The following DAB1 variants were observed in gnomAD, a reference collection of about 807,000 sequenced individuals.
DAB1 encodes DAB adaptor protein 1, also known as disabled homolog 1.
DAB1 carries 15 observed loss-of-function variants against 64.6 expected under a neutral mutation model. The ratio of observed to expected loss-of-function variants is 0.23; its 90% CI spans 0.16 to 0.36. The LOEUF (loss-of-function observed/expected upper bound fraction) is 0.36, where lower values mean the gene tolerates loss of function less well. Ranked by LOEUF, DAB1 falls within the 10% of genes least tolerant of loss-of-function variation. DAB1 has a pLI of 1.00. For synonymous variants in DAB1, 235 were observed against 251.9 expected (o/e 0.93, Z 0.64); for missense variants, 596 against 706.7 (o/e 0.84, Z 1.78).
intron 4 of DAB1, among the ~76,000 whole-genome samples, chr1:57,102,672 T>G (rs1307366627): frequency 6.6e-6 from 1 of 152,212 alleles, no homozygotes; most frequent in Non-Finnish European, 1.5e-5. Flanking sequence ...TTTTCTTGCT[T>G]CCAGTGGAGG....
chr1:58,000,189 T>C (rs186695349), intron 5 of DAB1, among the ~76,000 whole-genome samples: 66 of 152,250 alleles, frequency 4.3e-4, no homozygotes, highest in African/African-American at 1.6e-3. Flanking sequence ...GGGAGCTACA[T>C]AGAATGGAAA....
At chr1:57,155,109 A>T (rs1304050170) in intron 2 of DAB1, among the ~76,000 whole-genome samples, 1 of 152,202 alleles carries the variant, frequency 6.6e-6, no homozygotes, top group Non-Finnish European at 1.5e-5. Flanking sequence ...GCCCAGACCC[A>T]TGTCCTGCAG....
At chr1:57,801,367 T>C (rs1047038833) in intron 6 of DAB1, among the ~76,000 whole-genome samples, 1 of 152,198 alleles carries the variant, frequency 6.6e-6, no homozygotes, top group Non-Finnish European at 1.5e-5. Flanking sequence ...CAGGTTCAAT[T>C]GGCGAGAGGC....
chr1:58,495,962 T>C (rs1645794179), intron 3 of DAB1, among the ~76,000 whole-genome samples: 1 of 152,202 alleles, frequency 6.6e-6, no homozygotes, highest in African/African-American at 2.4e-5. Flanking sequence ...TAAGTTTAAA[T>C]ATCTAAGCTT....
chr1:57,577,707 C>A (rs747084466), intron 7 of DAB1, among the ~76,000 whole-genome samples: 66 of 152,282 alleles, frequency 4.3e-4, no homozygotes, highest in Non-Finnish European at 6.5e-4. Flanking sequence ...AATGCAGATT[C>A]CTGAGCTCCA....
chr1:57,207,446 C>CTTTTTTTTTTTTTTTTTTTTTTTT lies in DAB1; in HGVS notation c.68-62018_68-62017insAAAAAAAAAAAAAAAAAAAAAAAA. On this transcript the variant is annotated intron_variant, in intron 2 of 14. Transcript: ENST00000371236. ...CTGTAATTCATACCTTATTTCCTTT[C>CTTTTTTTTTTTTTTTTTTTTTTTT]TTTTTTTTTTTTTTTGAGATGGAGT... Among the ~76,000 whole-genome samples, 101 of 98,436 alleles carry CTTTTTTTTTTTTTTTTTTTTTTTT rather than the reference C, an allele frequency of 1.0e-3. 16 individuals carry two copies. Among genetic ancestry groups the CTTTTTTTTTTTTTTTTTTTTTTTT allele is most frequent in the Non-Finnish European group, 1.5e-3 (71 of 46,416 alleles). 64.6% of individuals were successfully genotyped at this position (98,436 alleles called of 152,430 possible).
rs1050142228 is a variant in DAB1 at position 58,447,868 on chromosome 1, A to C, written n.257+58192T>G. On this transcript the variant is annotated intron_variant and non_coding_transcript_variant, in intron 3 of 20. Coordinates refer to the DAB1 transcript ENST00000485760. ...AAAAATGACTTAAACAAAAAAAAAAAAAAAGTCTTATGCAATAAGAAGACT... is the reference window on the plus strand; with the variant it reads ...AAAAATGACTTAAACAAAAAAAAAACAAAAGTCTTATGCAATAAGAAGACT... 1.2e-4 allele frequency among the ~76,000 whole-genome samples: 18 copies of C among 152,138 alleles called. No individual in the cohort carries two copies. In the East Asian group the frequency reaches 1.5e-3, roughly 13 times the overall value.
At chr1:57,897,593 A>T (rs1644410229) in intron 5 of DAB1, among the ~76,000 whole-genome samples, 1 of 152,080 alleles carries the variant, frequency 6.6e-6, no homozygotes, top group Non-Finnish European at 1.5e-5. Flanking sequence ...CCTTTTCCCT[A>T]ATATTACAGC....
chr1:57,427,492 G>A (rs1038043415), upstream of DAB1, among the ~76,000 whole-genome samples: 14 of 152,154 alleles, frequency 9.2e-5, no homozygotes, highest in Admixed American at 9.2e-4. Flanking sequence ...GTAAGTGCTG[G>A]TTGACCTATC....
intron 1 of DAB1, among the ~76,000 whole-genome samples, chr1:57,322,943 T>C (rs1281426628): frequency 1.3e-5 from 2 of 152,210 alleles, no homozygotes; most frequent in African/African-American, 2.4e-5. Flanking sequence ...GTTTCTTTAA[T>C]GCTAGATCAG....
At chr1:57,729,392 G>A (rs1022209753) in intron 6 of DAB1, among the ~76,000 whole-genome samples, 2 of 152,172 alleles carry the variant, frequency 1.3e-5, no homozygotes, top group Non-Finnish European at 2.9e-5. Context: ...CTAGCAGTCC[G>A]CCCCGCTGCC....
intron 4 of DAB1, among the ~76,000 whole-genome samples, chr1:58,325,415 C>A (rs1352754973): frequency 6.6e-6 from 1 of 152,130 alleles, no homozygotes; most frequent in Non-Finnish European, 1.5e-5. Flanking sequence ...CTCTCTAAAC[C>A]AGGGGTTCCT....
At chr1:58,266,663 C>T (rs1275029432) in intron 4 of DAB1, among the ~76,000 whole-genome samples, 1 of 152,164 alleles carries the variant, frequency 6.6e-6, no homozygotes, top group Non-Finnish European at 1.5e-5. Context: ...ACCCAATCCT[C>T]CTAAGAATCC....
intron 7 of DAB1, among the ~76,000 whole-genome samples, chr1:57,462,617 A>C (rs1484785636): frequency 1.3e-5 from 2 of 152,194 alleles, no homozygotes; most frequent in Non-Finnish European, 2.9e-5. Flanking sequence ...TTCTTACAAC[A>C]ACCCTATGAG....
intron 3 of DAB1, among the ~76,000 whole-genome samples, chr1:58,370,933 A>G (rs1301682545): frequency 1.3e-5 from 2 of 152,166 alleles, no homozygotes; most frequent in African/African-American, 2.4e-5. Flanking sequence ...AAATTACCCA[A>G]TCTCAGGTAT....
At chr1:57,504,864 AAT>A (rs1219046483) in intron 7 of DAB1, among the ~76,000 whole-genome samples, 1 of 152,224 alleles carries the variant, frequency 6.6e-6, no homozygotes, top group African/African-American at 2.4e-5. Flanking sequence ...TCATGATAAA[AAT>A]ATCAGACATC....
At position 58,317,820 on chromosome 1, in the gene DAB1, C is replaced by T. The variant is rs183409608; in HGVS notation, n.309+25532G>A. On this transcript the variant is annotated intron_variant and non_coding_transcript_variant, in intron 4 of 20. Transcript: ENST00000485760. Reference sequence around the variant, plus strand: ...AGGTTGTTTTAAGTTGCTAAATCTGCGGTACTTTGTTACACCACAATAGAA... The same window carrying T: ...AGGTTGTTTTAAGTTGCTAAATCTGTGGTACTTTGTTACACCACAATAGAA... Among the ~76,000 whole-genome samples, 8 of 152,312 alleles carry T rather than the reference C, an allele frequency of 5.3e-5. No individual in the cohort carries two copies. The East Asian group carries it at 7.7e-4, about 15-fold the overall frequency.
At chr1:57,994,124 C>G (rs1281157782) in intron 5 of DAB1, among the ~76,000 whole-genome samples, 1 of 152,160 alleles carries the variant, frequency 6.6e-6, no homozygotes, top group East Asian at 1.9e-4. Flanking sequence ...ACTATTAAGT[C>G]TGGCAGCAAA....
intron 7 of DAB1, among the ~76,000 whole-genome samples, chr1:57,603,981 T>C (rs1466035177): frequency 6.6e-6 from 1 of 152,240 alleles, no homozygotes; most frequent in Non-Finnish European, 1.5e-5. Flanking sequence ...CCTGTTTCTC[T>C]AGCTGCAGCC....
Sources: allele counts gnomAD v4.1 joint callset (sites outside exome capture counted in the v4.1 genomes callset), GRCh38; gene constraint gnomAD v4.1.1; transcripts MANE v1.5; gene names NCBI Gene and HGNC (gene_info 2026-07-23, HGNC 2026-07-21).